Variants in PSPC1 observed in about 807,000 individuals in gnomAD.
The protein encoded by PSPC1 is paraspeckle component 1.
A neutral mutation model predicts 51.6 loss-of-function variants in PSPC1; 14 were observed. The observed-to-expected ratio is 0.27, with a 90% CI of 0.18 to 0.42. PSPC1 has a LOEUF of 0.42. Ranked by LOEUF, PSPC1 falls within the 10% of genes least tolerant of loss-of-function variation. PSPC1 has a pLI of 1.00. For synonymous variants in PSPC1, 193 were observed against 231.9 expected (o/e 0.83, Z 1.53); for missense variants, 406 against 701.1 (o/e 0.58, Z 4.75).
At chr13:19,682,703 T>A (rs1385432197) in intron 6 of PSPC1, among the ~76,000 whole-genome samples, 1 of 152,086 alleles carries the variant, frequency 6.6e-6, no homozygotes, top group Admixed American at 6.6e-5. Context: ...ACATTGTTCA[T>A]GGGAAAAGAA....
At chr13:19,708,853 G>T (rs1161543764) in intron 7 of PSPC1, among the ~76,000 whole-genome samples, 1 of 152,096 alleles carries the variant, frequency 6.6e-6, no homozygotes, top group African/African-American at 2.4e-5. Context: ...TTCCAACTCG[G>T]AAACTATCAA....
Position 19,772,646 on chromosome 13 carries a change from G to C in PSPC1, c.373-103C>G. 5 of 1,052,408 alleles carry C rather than the reference G, an allele frequency of 4.8e-6. No homozygotes were observed. In the South Asian group the frequency reaches 4.9e-5, roughly 10 times the overall value. The allele number at this position is 1,052,408 out of a possible 1,614,324, so 65.2% of individuals were successfully genotyped here. The stretch of plus-strand genomic sequence containing the variant: ...AACTAGGTATCTTTAGCAAATGGCT[G>C]ACAGGGTCAATTTGATTTTGTATCT... On this transcript the variant is annotated intron_variant, in intron 1 of 8. Coordinates refer to ENST00000338910, the MANE Select transcript of PSPC1 (RefSeq NM_001354909.2).
At chr13:19,730,957 CA>C (rs1483772556) in intron 5 of PSPC1, among the ~76,000 whole-genome samples, 1 of 36,994 alleles carries the variant, frequency 2.7e-5, no homozygotes, top group South Asian at 1.6e-3. Context: ...AAAAAAAAAA[CA>C]AAAAAACAAA....
intron 4 of PSPC1, among the ~76,000 whole-genome samples, chr13:19,744,003 G>C (rs1885698660): frequency 6.6e-6 from 1 of 152,138 alleles, no homozygotes; most frequent in African/African-American, 2.4e-5. Context: ...AGCTACTCAG[G>C]AGGCTTAGGC....
rs536700641 is a variant in PSPC1, at chr13:19,733,843, C to T, written c.1053-3499G>A. On this transcript the variant is annotated intron_variant, in intron 5 of 8. Transcript: ENST00000338910. ...TGGCACACGCTTGTAGTCCCTGCTA[C>T]TAGGGAGGCTAAGGTGGGAAGATCA... 7.9e-5 allele frequency among the ~76,000 whole-genome samples: 12 copies of T among 151,428 alleles called. No individual in the cohort carries two copies. The East Asian group carries it at 2.3e-3, about 29-fold the overall frequency.
At chr13:19,724,867 C>T (rs528296493) in intron 6 of PSPC1, among the ~76,000 whole-genome samples, 9 of 152,208 alleles carry the variant, frequency 5.9e-5, no homozygotes, top group Middle Eastern at 3.4e-3. Flanking sequence ...GGCGTGGTGG[C>T]GCACGCCTGT....
chr13:19,714,661 ATT>A (rs1881875102), intron 6 of PSPC1, among the ~76,000 whole-genome samples: 1 of 151,936 alleles, frequency 6.6e-6, no homozygotes, highest in South Asian at 2.1e-4. Context: ...CGCCCAGATA[ATT>A]TTTGTGTTTT....
chr13:19,677,094 A>G (rs192671324), intron 7 of PSPC1, among the ~76,000 whole-genome samples: 214 of 152,154 alleles, frequency 1.4e-3, no homozygotes, highest in South Asian at 1.9e-3. Context: ...TTAGCCGGGC[A>G]TGGTGGCAGG....
At chr13:19,779,926 C>T (rs1593798065) in intron 1 of PSPC1, among the ~76,000 whole-genome samples, 4 of 116,108 alleles carry the variant, frequency 3.4e-5, no homozygotes, top group East Asian at 2.8e-4. Context: ...GTCGGCCCCC[C>T]GCCCGGCCAG....
chr13:19,728,324 A>C (rs868044455), intron 6 of PSPC1, among the ~76,000 whole-genome samples: 3 of 152,142 alleles, frequency 2.0e-5, no homozygotes, highest in Non-Finnish European at 4.4e-5. Context: ...TTAACAAAGA[A>C]AATCAACTTT....
At chr13:19,758,987 A>G (rs1887358439) in intron 3 of PSPC1, among the ~76,000 whole-genome samples, 1 of 151,932 alleles carries the variant, frequency 6.6e-6, no homozygotes, top group African/African-American at 2.4e-5. Flanking sequence ...TACCCATATA[A>G]AAAAAGAAAA....
chr13:19,676,709 A>C (rs755736994), intron 7 of PSPC1, among the ~76,000 whole-genome samples: 18 of 152,324 alleles, frequency 1.2e-4, no homozygotes, highest in Non-Finnish European at 1.9e-4. Context: ...TGTAGCAGCA[A>C]GAATAAGACA....
intron 5 of PSPC1, among the ~76,000 whole-genome samples, chr13:19,739,468 C>A (rs1266781172): frequency 3.9e-5 from 6 of 152,164 alleles, no homozygotes; most frequent in Admixed American, 1.3e-4. Context: ...AAAGATCTGG[C>A]CGGGCGTGGT....
At chr13:19,780,042 C>T (rs1889753313) in intron 1 of PSPC1, among the ~76,000 whole-genome samples, 4 of 141,268 alleles carry the variant, frequency 2.8e-5, no homozygotes, top group African/African-American at 1.0e-4. Flanking sequence ...GCCAGCCGCC[C>T]CGTCCGGGAG....
intron 6 of PSPC1, among the ~76,000 whole-genome samples, chr13:19,680,233 T>C (rs1428965744): frequency 6.6e-6 from 1 of 152,206 alleles, no homozygotes; most frequent in African/African-American, 2.4e-5. Context: ...CAGGCTGCTC[T>C]CGAACTCCTG....
downstream of PSPC1, among the ~76,000 whole-genome samples, chr13:19,701,047 C>T (rs1213686806): frequency 2.0e-5 from 3 of 152,250 alleles, no homozygotes; most frequent in Admixed American, 6.5e-5. Context: ...TTGGTAAAGC[C>T]GGAACAAGGA....
intron 4 of PSPC1, among the ~76,000 whole-genome samples, chr13:19,748,557 C>T (rs1484144532): frequency 6.6e-6 from 1 of 152,156 alleles, no homozygotes; most frequent in Admixed American, 6.5e-5. Flanking sequence ...CAAGAAAAAA[C>T]TGAAGTCTAA....
chr13:19,671,237 T>C (rs1314091027), downstream of PSPC1: 16 of 1,614,052 alleles, frequency 9.9e-6, no homozygotes, highest in Non-Finnish European at 1.2e-5. Flanking sequence ...TTCAGCCCTG[T>C]TGCAGGTCCC....
In PSPC1 at chr13:19,772,445, G is replaced by T. The variant is rs770697710; in HGVS notation, c.471C>A (p.Ala157=). ...LRIRFATHGA[A]LTVKNLSPVV... ...CTGGAGAAAGGTTCTTGACAGTCAA[G>T]GCTGCTCCATGTGTAGCGAAGCGAA... The change falls in exon 2 of 9, where the codon GCC becomes GCA. Residue 157 remains alanine, a synonymous_variant. Transcript: ENST00000338910. 1.2e-6 allele frequency: 2 copies of T among 1,614,228 alleles called. No homozygotes were observed. The highest frequency in any genetic ancestry group is 1.7e-6 in the Non-Finnish European group (2 of 1,180,042).
Sources: allele counts gnomAD v4.1 joint callset (sites outside exome capture counted in the v4.1 genomes callset), GRCh38; gene constraint gnomAD v4.1.1; transcripts MANE v1.5; gene names NCBI Gene and HGNC (gene_info 2026-07-23, HGNC 2026-07-21).